LRIG1: variants seen among roughly 807,000 people sequenced by gnomAD.
LRIG1 encodes the protein leucine rich repeats and immunoglobulin like domains 1.
Under a neutral mutation model 99.2 loss-of-function variants are expected in LRIG1, and 48 were observed. The ratio of observed to expected loss-of-function variants is 0.48; its 90% CI spans 0.38 to 0.62. LRIG1 has a LOEUF of 0.62. Among genes scored for constraint, LRIG1 ranks in the 20% least tolerant of loss-of-function variants. The pLI, the probability that LRIG1 is intolerant of heterozygous loss-of-function variation, is 0.00. For missense variants in LRIG1, 1,646 were observed against 1,434.4 expected, an observed-to-expected ratio of 1.15 and a Z score of -2.38; for synonymous variants, 772 against 596.1, an observed-to-expected ratio of 1.29 and a Z score of -4.30.
At chr3:66,458,520 G>C (rs140692053) in intron 2 of LRIG1, among the ~76,000 whole-genome samples, 1 of 151,910 alleles carries the variant, frequency 6.6e-6, no homozygotes, top group Non-Finnish European at 1.5e-5. Flanking sequence ...TGGCCAACAC[G>C]GCGAAATCCC....
At chr3:66,391,729 C>G (rs1055606156) in intron 12 of LRIG1, among the ~76,000 whole-genome samples, 9 of 152,068 alleles carry the variant, frequency 5.9e-5, no homozygotes, top group African/African-American at 2.2e-4. Context: ...TAACAACCAT[C>G]AATTTATATA....
rs370809889 is a variant in LRIG1 at position 66,474,961 on chromosome 3, A to C, written c.219-12452T>G. ...CAGAAATCTAAGAAACACCATGTGT[A>C]CTTCTAGGTACTCCACAGCCTCTCT... On this transcript the variant is annotated intron_variant, in intron 1 of 18. Transcript: ENST00000273261. 8.7e-4 allele frequency among the ~76,000 whole-genome samples: 133 copies of C among 152,334 alleles called. 1 individual carries two copies. Among genetic ancestry groups the C allele is most frequent in the Non-Finnish European group, 1.5e-3 (105 of 68,028 alleles).
chr3:66,382,209 C>A, intron 16 of LRIG1, 64 bp downstream of exon 16: 2 of 1,591,882 alleles, frequency 1.3e-6, no homozygotes, highest in Non-Finnish European at 1.7e-6. Context: ...GACCTGGAGG[C>A]CACCTCCAGC....
In LRIG1 at chr3:66,413,041, G is replaced by T. The variant is rs758296891; in HGVS notation, c.648-27C>A. ...TAAAGAGATGAAGCCAGCAGGGTCA[G>T]AGTGTCTTATGTGCATATCCCACCC... On this transcript the variant is annotated intron_variant, in intron 5 of 18. Transcript: ENST00000273261. 29 of 1,613,910 alleles carry T rather than the reference G, an allele frequency of 1.8e-5. 1 individual carries two copies. In the South Asian group the frequency reaches 3.2e-4, roughly 18 times the overall value.
chr3:66,467,813 T>A (rs1163881752), intron 1 of LRIG1, among the ~76,000 whole-genome samples: 1 of 152,238 alleles, frequency 6.6e-6, no homozygotes. Flanking sequence ...TATATCTATA[T>A]CATGAAATAA....
chr3:66,453,277 G>C (rs1291478328), intron 2 of LRIG1, among the ~76,000 whole-genome samples: 3 of 152,214 alleles, frequency 2.0e-5, no homozygotes, highest in African/African-American at 7.2e-5. Context: ...GAGAATGTTA[G>C]TAACAAAAAC....
intron 5 of LRIG1, among the ~76,000 whole-genome samples, chr3:66,414,172 C>T (rs569262551): frequency 8.6e-4 from 131 of 152,092 alleles, no homozygotes; most frequent in South Asian, 5.0e-3. Context: ...CCAAGGCAGG[C>T]GGATCACGAG....
chr3:66,386,662 T>C (rs17831815), intron 12 of LRIG1: 57,370 of 185,984 alleles, frequency 0.31, 10,435 homozygotes, highest in East Asian at 0.74. Context: ...GCAGAGATCT[T>C]ACCCACAAAC....
At chr3:66,437,492 T>G (rs1703399014) in intron 3 of LRIG1, among the ~76,000 whole-genome samples, 1 of 152,146 alleles carries the variant, frequency 6.6e-6, no homozygotes, top group African/African-American at 2.4e-5. Flanking sequence ...AAGCAAGACT[T>G]ATCCCCTGGC....
chr3:66,493,947 GAGAA>G (rs1051613451), intron 1 of LRIG1, among the ~76,000 whole-genome samples: 82 of 139,388 alleles, frequency 5.9e-4, no homozygotes, highest in East Asian at 4.9e-3. Context: ...AAAGAAAACA[GAGAA>G]AGAAAGAAAG....
chr3:66,399,101 T>C, intron 9 of LRIG1, 60 bp from the exon 10 acceptor site: 5 of 1,353,580 alleles, frequency 3.7e-6, no homozygotes, highest in Non-Finnish European at 5.3e-6. Flanking sequence ...CAGGAAGGGT[T>C]GAGAGAAAGA....
chr3:66,407,310 TGGG>T (rs1702303935), intron 8 of LRIG1, 35 bp downstream of exon 8: 2 of 1,612,922 alleles, frequency 1.2e-6, no homozygotes, highest in South Asian at 2.2e-5. Flanking sequence ...CTCTCCCCAC[TGGG>T]GACCCCTTTA....
intron 3 of LRIG1, among the ~76,000 whole-genome samples, chr3:66,433,599 C>A (rs370077121): frequency 5.9e-5 from 9 of 152,346 alleles, no homozygotes; most frequent in Admixed American, 5.2e-4. Context: ...CTGCTTCCTG[C>A]CCCAACTGAA....
chr3:66,451,525 C>G (rs918489534), intron 3 of LRIG1, 34 bp downstream of exon 3: 1 of 1,603,872 alleles, frequency 6.2e-7, no homozygotes, highest in South Asian at 1.1e-5. Flanking sequence ...GGCCCCACCA[C>G]ACAGCCCAGA....
At chr3:66,464,505 TA>T (rs67690348) in intron 1 of LRIG1, among the ~76,000 whole-genome samples, 42 of 145,356 alleles carry the variant, frequency 2.9e-4, no homozygotes, top group African/African-American at 7.3e-4. Flanking sequence ...CTTTATTACT[TA>T]AAAAAAAAAA....
intron 1 of LRIG1, among the ~76,000 whole-genome samples, chr3:66,498,695 A>C (rs1701282897): frequency 6.6e-6 from 1 of 152,162 alleles, no homozygotes; most frequent in Non-Finnish European, 1.5e-5. Flanking sequence ...CCACCCTACG[A>C]CCACTGATTT....
intron 1 of LRIG1, among the ~76,000 whole-genome samples, chr3:66,496,122 G>C (rs1559829091): frequency 6.6e-6 from 1 of 152,176 alleles, no homozygotes; most frequent in African/African-American, 2.4e-5. Flanking sequence ...AATTACTGCT[G>C]ATAATATGTT....
chr3:66,439,384 T>A (rs1042947848), intron 3 of LRIG1, among the ~76,000 whole-genome samples: 1 of 152,122 alleles, frequency 6.6e-6, no homozygotes, highest in African/African-American at 2.4e-5. Context: ...CCAAGGGGAA[T>A]TTTTTTTCTC....
At chr3:66,465,753 G>A (rs561364020) in intron 1 of LRIG1, among the ~76,000 whole-genome samples, 33 of 152,092 alleles carry the variant, frequency 2.2e-4, no homozygotes, top group African/African-American at 7.5e-4. Flanking sequence ...CAGTGGCACC[G>A]AGTACCTTCA....
Sources: gnomAD v4.1 joint callset for allele counts (sites outside exome capture counted in the v4.1 genomes callset) on GRCh38, gnomAD v4.1.1 for gene constraint, MANE v1.5 for transcripts, NCBI Gene and HGNC (gene_info 2026-07-23, HGNC 2026-07-21) for gene names.